TOGARAM2: variants seen among roughly 807,000 people sequenced by gnomAD.
The protein encoded by TOGARAM2 is TOG array regulator of axonemal microtubules protein 2.
A neutral mutation model predicts 93.3 loss-of-function variants in TOGARAM2; 85 were observed. The observed-to-expected ratio is 0.91, with a 90% CI of 0.76 to 1.09. TOGARAM2 has a LOEUF of 1.09. TOGARAM2 is among the 50% of genes least tolerant of loss of function. The pLI is 0.00. For synonymous variants in TOGARAM2, 593 were observed against 552.8 expected (o/e 1.07, Z -1.02); for missense variants, 1,277 against 1,334.5 (o/e 0.96, Z 0.67).
chr2:29,017,744 A>C (rs1183218450), intron 9 of TOGARAM2, 48 bp from the exon 10 acceptor site: 2 of 1,511,868 alleles, frequency 1.3e-6, no homozygotes, highest in African/African-American at 2.8e-5. Flanking sequence ...CATTGAGGCC[A>C]GGGGAAAACA....
intron 1 of TOGARAM2, among the ~76,000 whole-genome samples, chr2:28,973,471 C>A (rs1381546822): frequency 1.2e-5 from 1 of 82,250 alleles, no homozygotes; most frequent in Non-Finnish European, 2.7e-5. Context: ...TCCTTCCTCC[C>A]TCCCTCCCTC....
At chr2:29,038,286 TA>T (rs1296778221) in intron 18 of TOGARAM2, among the ~76,000 whole-genome samples, 1 of 152,106 alleles carries the variant, frequency 6.6e-6, no homozygotes, top group Non-Finnish European at 1.5e-5. Context: ...GCTGATAATG[TA>T]CCCTCTGGTT....
chr2:28,997,820 G>A (rs1258256421), intron 2 of TOGARAM2, among the ~76,000 whole-genome samples: 1 of 152,204 alleles, frequency 6.6e-6, no homozygotes, highest in Non-Finnish European at 1.5e-5. Context: ...ATGATGTTGG[G>A]TGATGGAAGA....
chr2:29,003,565 C>G lies in TOGARAM2; in HGVS notation c.713C>G (p.Pro238Arg). 1.3e-6 allele frequency: 2 copies of G among 1,595,770 alleles called. No homozygotes were observed. Among genetic ancestry groups the G allele is most frequent in the Non-Finnish European group, 1.7e-6 (2 of 1,172,084 alleles). Residue 238 changes from proline to arginine, a missense_variant, in exon 6 of 20, where the codon CCA (proline) becomes CGA (arginine). Coordinates refer to ENST00000379558, the MANE Select transcript of TOGARAM2 (RefSeq NM_199280.4). ...MQKSLGAIVI[P>R]PIPKARTVAA... is the part of the protein sequence containing the mutation. ...AAGTCCCTGGGCGCCATCGTGATCCCACCCATCCCAAAGGCCAGGACGGTT... is the reference window on the plus strand; with the variant it reads ...AAGTCCCTGGGCGCCATCGTGATCCGACCCATCCCAAAGGCCAGGACGGTT...
At chr2:29,008,757 A>G (rs113428380) in intron 6 of TOGARAM2, among the ~76,000 whole-genome samples, 1 of 152,226 alleles carries the variant, frequency 6.6e-6, no homozygotes, top group African/African-American at 2.4e-5. Flanking sequence ...GCACCTGGCC[A>G]GCCTATTTTA....
chr2:28,991,825 C>G (rs575501080), intron 1 of TOGARAM2, among the ~76,000 whole-genome samples: 6 of 152,224 alleles, frequency 3.9e-5, no homozygotes, highest in African/African-American at 1.4e-4. Context: ...CCTATGGCCC[C>G]GGTCACTATG....
intron 4 of TOGARAM2, 49 bp downstream of exon 4, chr2:28,999,517 G>T: frequency 6.6e-7 from 1 of 1,523,576 alleles, no homozygotes; most frequent in East Asian, 2.3e-5. Flanking sequence ...TCCAGGTCAA[G>T]GGCCGCAGGC....
At chr2:29,050,341 G>C (rs1446957455) in intron 19 of TOGARAM2, 1 of 152,208 alleles carries the variant, frequency 6.6e-6, no homozygotes, top group Non-Finnish European at 1.5e-5. Flanking sequence ...CTGGGTGACA[G>C]AGCAAGACAC....
chr2:29,035,834 C>T lies in TOGARAM2; in HGVS notation c.2418+178C>T, dbSNP rs374068014. On this transcript the variant is annotated intron_variant, in intron 17 of 19. Transcript: ENST00000379558. The stretch of plus-strand genomic sequence containing the variant: ...GGGCAAGGGCACCGCCTCCTGCCGG[C>T]AGCTTGGAAATGCTCAGAGATGTCT... Among the ~76,000 whole-genome samples the T allele has an allele frequency of 3.3e-5, 5 of 152,356 alleles. No homozygotes were observed. In the East Asian group the frequency reaches 9.6e-4, roughly 29 times the overall value.
chr2:29,015,719 C>T (rs934481109), intron 8 of TOGARAM2, among the ~76,000 whole-genome samples: 3 of 152,154 alleles, frequency 2.0e-5, no homozygotes, highest in South Asian at 2.1e-4. Flanking sequence ...GCTTTTGATA[C>T]GACTTGTGTC....
rs552339651 is a variant in TOGARAM2 at position 28,997,560 on chromosome 2, T to C, written c.29-583T>C. ...TGTTCACAAATCTCTGTGTCGCGGATAGAGGGTGTCTTTTGCTGAGCCGAG... is the reference window on the plus strand; with the variant it reads ...TGTTCACAAATCTCTGTGTCGCGGACAGAGGGTGTCTTTTGCTGAGCCGAG... On this transcript the variant is annotated intron_variant, in intron 2 of 19. Transcript: ENST00000379558. Among the ~76,000 whole-genome samples the C allele has an allele frequency of 3.3e-5, 5 of 152,310 alleles. No individual in the cohort carries two copies. The South Asian group carries it at 1.0e-3, about 32-fold the overall frequency.
chr2:28,962,079 T>C (rs1224397880), intron 1 of TOGARAM2, among the ~76,000 whole-genome samples: 1 of 152,092 alleles, frequency 6.6e-6, no homozygotes, highest in Non-Finnish European at 1.5e-5. Context: ...AAAATCATCA[T>C]TAAGGAAGAG....
At chr2:28,992,711 T>TAA (rs1340384793) in intron 1 of TOGARAM2, among the ~76,000 whole-genome samples, 1 of 152,200 alleles carries the variant, frequency 6.6e-6, no homozygotes, top group Non-Finnish European at 1.5e-5. Flanking sequence ...GATCTTATTA[T>TAA]AAAGTGAATC....
At chr2:29,041,571 T>G (rs1459411644) in intron 18 of TOGARAM2, among the ~76,000 whole-genome samples, 3 of 152,210 alleles carry the variant, frequency 2.0e-5, no homozygotes, top group Non-Finnish European at 4.4e-5. Context: ...GGCTTCCCAG[T>G]AGCTGGAGGA....
chr2:29,024,514 C>T, intron 13 of TOGARAM2, 140 bp downstream of exon 13: 1 of 775,870 alleles, frequency 1.3e-6, no homozygotes, highest in Non-Finnish European at 2.1e-6. Context: ...CAGGGGGTCC[C>T]TTGAGATGCT....
In TOGARAM2 at chr2:29,051,748, C is replaced by T. The variant is rs1416031999; in HGVS notation, c.2723-8C>T. 1.4e-6 allele frequency: 2 copies of T among 1,478,788 alleles called. No homozygotes were observed. The highest frequency in any genetic ancestry group is 1.8e-4 in the Middle Eastern group (1 of 5,680). The allele number at this position is 1,478,788 out of a possible 1,614,324, so 91.6% of individuals were successfully genotyped here. A position where few individuals can be genotyped will look rare whatever the true frequency, so the allele number is the denominator to read the frequency against. On this transcript the variant is annotated splice_region_variant and splice_polypyrimidine_tract_variant and intron_variant, in intron 19 of 19. Coordinates refer to ENST00000379558, the MANE Select transcript of TOGARAM2 (RefSeq NM_199280.4). ...TGGCTCAAGTGACTCTCCTTTTCTG[C>T]CTGACAGTGCTGGTGGCCTCAGTTT...
Position 29,017,867 on chromosome 2 carries a change from G to T in TOGARAM2, c.1271G>T (p.Ser424Ile). Residue 424 changes from serine to isoleucine, a missense_variant, in exon 10 of 20, where the codon AGC (serine) becomes ATC (isoleucine). By Grantham distance (142) the Ser-to-Ile change is moderately radical. Coordinates refer to ENST00000379558, the MANE Select transcript of TOGARAM2 (RefSeq NM_199280.4). ...RLSGPCRNDVSIILRKWASRA... is the reference protein window; with the variant it reads ...RLSGPCRNDVIIILRKWASRA... Reference sequence around the variant, plus strand: ...AGCGGCCCATGCAGAAACGACGTCAGCATCATCCTGAGGAAGTGGGCCAGC... The same window carrying T: ...AGCGGCCCATGCAGAAACGACGTCATCATCATCCTGAGGAAGTGGGCCAGC... 8 of 1,613,508 alleles carry T rather than the reference G, an allele frequency of 5.0e-6. No homozygotes were observed. The highest frequency in any genetic ancestry group is 6.8e-6 in the Non-Finnish European group (8 of 1,179,742).
intron 6 of TOGARAM2, among the ~76,000 whole-genome samples, chr2:29,007,457 A>G (rs1053447206): frequency 5.9e-5 from 9 of 151,928 alleles, no homozygotes; most frequent in African/African-American, 1.2e-4. Context: ...ACATTTCCAT[A>G]GCCCCCAAGT....
Position 29,033,044 on chromosome 2 carries a change from A to G in TOGARAM2, c.2123A>G (p.Lys708Arg). Residue 708 changes from lysine to arginine, a missense_variant, in exon 15 of 20, where the codon AAA becomes AGA. By Grantham distance (26) the Lys-to-Arg change is conservative. Transcript: ENST00000379558. ...YDLQKVMAAI[K>R]QQGIEDNDEL... ...TTGCAGAAGGTCATGGCGGCCATTA[A>G]ACAGCAGGTGAGCTGTGGGGCATAA... The G allele has an allele frequency of 6.2e-7, 1 of 1,613,160 alleles. No individual in the cohort carries two copies. Among genetic ancestry groups the G allele is most frequent in the Non-Finnish European group, 8.5e-7 (1 of 1,179,578 alleles).
Sources: gnomAD v4.1 joint callset for allele counts (sites outside exome capture counted in the v4.1 genomes callset) on GRCh38, gnomAD v4.1.1 for gene constraint, MANE v1.5 for transcripts, NCBI Gene and HGNC (gene_info 2026-07-23, HGNC 2026-07-21) for gene names.